CD274: variants seen among roughly 807,000 people sequenced by gnomAD.
The protein encoded by CD274 is programmed cell death 1 ligand 1.
CD274 carries 8 observed loss-of-function variants against 30.1 expected under a neutral mutation model. The observed-to-expected ratio is 0.27, with a 90% CI of 0.16 to 0.48. The LOEUF (loss-of-function observed/expected upper bound fraction) is 0.48, where lower values mean the gene tolerates loss of function less well. CD274 is among the 20% of genes least tolerant of loss of function. The pLI is 0.99. For synonymous variants in CD274, 152 were observed against 124.6 expected, an observed-to-expected ratio of 1.22 and a Z score of -1.46; for missense variants, 353 against 346.6, an observed-to-expected ratio of 1.02 and a Z score of -0.15.
chr9:5,455,706 A>T (rs1819289232), intron 1 of CD274, among the ~76,000 whole-genome samples: 1 of 152,162 alleles, frequency 6.6e-6, no homozygotes, highest in South Asian at 2.1e-4. Flanking sequence ...GGAAAAGTAA[A>T]AGTCAGATTC....
rs1819535294 is a variant in CD274 at position 5,468,562 on chromosome 9, T to C, written c.*700T>C. On this transcript the variant is annotated 3_prime_UTR_variant, in exon 7 of 7. Coordinates refer to ENST00000381577, the MANE Select transcript of CD274 (RefSeq NM_014143.4). ...GGTTGCATAGGATGTCACCTTTATTTAACCCATTAATACTCTGGTTGACCT... is the reference window on the plus strand; with the variant it reads ...GGTTGCATAGGATGTCACCTTTATTCAACCCATTAATACTCTGGTTGACCT... 4.3e-6 allele frequency: 1 copy of C among 232,976 alleles called. No individual in the cohort carries two copies. The highest frequency in any genetic ancestry group is 2.2e-5 in the African/African-American group (1 of 45,336). 14.4% of individuals were successfully genotyped at this position (232,976 alleles called of 1,614,324 possible).
intron 4 of CD274, 91 bp from the exon 5 acceptor site, chr9:5,465,408 A>C (rs1819479844): frequency 2.8e-6 from 2 of 720,896 alleles, no homozygotes; most frequent in Admixed American, 2.3e-5. Flanking sequence ...CCTAAAGCTA[A>C]ACTAAACTTC....
At chr9:5,455,037 G>C (rs1290595634) in intron 1 of CD274, among the ~76,000 whole-genome samples, 1 of 151,934 alleles carries the variant, frequency 6.6e-6, no homozygotes. Context: ...TATATATTAG[G>C]AACATTAATC....
intron 1 of CD274, among the ~76,000 whole-genome samples, chr9:5,451,181 T>C (rs923521344): frequency 5.3e-5 from 8 of 152,326 alleles, no homozygotes; most frequent in African/African-American, 1.9e-4. Context: ...CAAAGTTCAG[T>C]CTGGGTTTGT....
At chr9:5,456,048 T>C in intron 1 of CD274, 52 bp from the exon 2 acceptor site, 1 of 982,804 alleles carries the variant, frequency 1.0e-6, no homozygotes, top group East Asian at 2.4e-5. Context: ...TGTCATATTG[T>C]ATGTTTAATT....
intron 3 of CD274, 67 bp from the exon 4 acceptor site, chr9:5,462,767 A>G: frequency 7.1e-7 from 1 of 1,415,900 alleles, no homozygotes; most frequent in Non-Finnish European, 9.7e-7. Context: ...TAATGTGGAC[A>G]GCATCAAGCT....
chr9:5,451,581 A>T (rs1047029210), intron 1 of CD274, among the ~76,000 whole-genome samples: 3 of 152,246 alleles, frequency 2.0e-5, no homozygotes, highest in Non-Finnish European at 4.4e-5. Context: ...ATTTAAGGAG[A>T]ACTATGATAC....
intron 4 of CD274, among the ~76,000 whole-genome samples, chr9:5,463,621 G>A (rs1819446308): frequency 6.6e-6 from 1 of 152,150 alleles, no homozygotes; most frequent in African/African-American, 2.4e-5. Context: ...CCAAACATGA[G>A]GGACCCTTTC....
intron 1 of CD274, 95 bp from the exon 2 acceptor site, chr9:5,456,005 G>A (rs1313230360): frequency 1.3e-6 from 1 of 753,702 alleles, no homozygotes; most frequent in African/African-American, 1.8e-5. Context: ...GTTATTAGAA[G>A]ACTATTTCAG....
At chr9:5,453,090 G>A (rs1373332742) in intron 1 of CD274, among the ~76,000 whole-genome samples, 1 of 152,004 alleles carries the variant, frequency 6.6e-6, no homozygotes, top group Admixed American at 6.6e-5. Flanking sequence ...TCTGATAGAT[G>A]CTGCAGCCCC....
Position 5,470,477 on chromosome 9 carries a change from A to T in CD274, c.*2615A>T. ...TTAATTTAATAAAATATTCTTATTT[A>T]TTTTGTTACTTGGTACACCAGCATG... On this transcript the variant is annotated 3_prime_UTR_variant, in exon 7 of 7. Transcript: ENST00000381577. The T allele has an allele frequency of 9.1e-6, 2 of 220,670 alleles. No individual in the cohort carries two copies. Among genetic ancestry groups the T allele is most frequent in the Non-Finnish European group, 1.8e-5 (2 of 110,184 alleles). The allele number at this position is 220,670 out of a possible 1,614,324, so 13.7% of individuals were successfully genotyped here.
intron 1 of CD274, among the ~76,000 whole-genome samples, chr9:5,450,889 C>T (rs992224687): frequency 1.3e-5 from 2 of 152,234 alleles, no homozygotes; most frequent in African/African-American, 4.8e-5. Flanking sequence ...TCTTATGCGA[C>T]TGTGTGTTCA....
chr9:5,453,281 A>T (rs564233416), intron 1 of CD274, among the ~76,000 whole-genome samples: 28 of 152,232 alleles, frequency 1.8e-4, no homozygotes, highest in Non-Finnish European at 4.0e-4. Flanking sequence ...TTGATAAGAA[A>T]CCAGTGACAT....
chr9:5,450,804 C>T (rs1819189156), intron 1 of CD274, among the ~76,000 whole-genome samples: 1 of 152,154 alleles, frequency 6.6e-6, no homozygotes, highest in Admixed American at 6.5e-5. Flanking sequence ...CCTCCAGGCG[C>T]GATTCAGTTT....
At chr9:5,460,984 CAG>C (rs1819394225) in intron 3 of CD274, among the ~76,000 whole-genome samples, 1 of 152,128 alleles carries the variant, frequency 6.6e-6, no homozygotes, top group African/African-American at 2.4e-5. Context: ...TGTACAAAAA[CAG>C]ACATTTTAAG....
intron 6 of CD274, 144 bp from the exon 7 acceptor site, chr9:5,467,696 A>G: frequency 1.3e-6 from 1 of 767,278 alleles, no homozygotes; most frequent in Non-Finnish European, 2.3e-6. Flanking sequence ...ATAATTGGGT[A>G]CAAATATAAC....
In CD274 at chr9:5,468,525, G is replaced by A. The variant is rs1819534744; in HGVS notation, c.*663G>A. On this transcript the variant is annotated 3_prime_UTR_variant, in exon 7 of 7. Transcript: ENST00000381577. ...TACAAGTATACATTGGAAGCATAAA[G>A]ATCAAACCGTTGGTTGCATAGGATG... 2 of 232,904 alleles carry A rather than the reference G, an allele frequency of 8.6e-6. No individual in the cohort carries two copies. The highest frequency in any genetic ancestry group is 1.2e-3 in the Middle Eastern group (1 of 806). 14.4% of individuals were successfully genotyped at this position (232,904 alleles called of 1,614,324 possible).
At chr9:5,465,075 A>C (rs1251562459) in intron 4 of CD274, among the ~76,000 whole-genome samples, 1 of 149,034 alleles carries the variant, frequency 6.7e-6, no homozygotes, top group Non-Finnish European at 1.5e-5. Flanking sequence ...CAACAGAGAA[A>C]GACTCTGCCT....
At chr9:5,466,128 A>C (rs560759298) in intron 5 of CD274, among the ~76,000 whole-genome samples, 1 of 152,372 alleles carries the variant, frequency 6.6e-6, no homozygotes, top group East Asian at 1.9e-4. Flanking sequence ...CCTCCCATTT[A>C]AGATGAGTCA....
Sources: allele counts gnomAD v4.1 joint callset (sites outside exome capture counted in the v4.1 genomes callset), GRCh38; gene constraint gnomAD v4.1.1; transcripts MANE v1.5; gene names NCBI Gene and HGNC (gene_info 2026-07-23, HGNC 2026-07-21).